Variants in GNAQ observed in about 807,000 individuals in gnomAD.
The protein encoded by GNAQ is guanine nucleotide-binding protein G(q) subunit alpha.
GNAQ carries 8 observed loss-of-function variants against 43.9 expected under a neutral mutation model. The ratio of observed to expected loss-of-function variants is 0.18; its 90% CI spans 0.11 to 0.33. The LOEUF (loss-of-function observed/expected upper bound fraction) is 0.33. Ranked by LOEUF, GNAQ falls within the 10% of genes least tolerant of loss-of-function variation. The pLI is 1.00. For missense variants in GNAQ, 158 were observed against 450.8 expected (o/e 0.35, Z 5.88); for synonymous variants, 155 against 170.7 (o/e 0.91, Z 0.71).
intron 4 of GNAQ, 46 bp from the exon 5 acceptor site, chr9:77,794,638 T>C: frequency 7.8e-7 from 1 of 1,281,980 alleles, no homozygotes; most frequent in South Asian, 1.4e-5. Flanking sequence ...AAAGTAAAAC[T>C]AAAAAGTCAA....
At chr9:78,015,900 G>T (rs913091222) in intron 1 of GNAQ, among the ~76,000 whole-genome samples, 4 of 151,898 alleles carry the variant, frequency 2.6e-5, no homozygotes, top group African/African-American at 9.7e-5. Context: ...AATAATCTAA[G>T]AATTCTGATT....
rs79949193 is a variant in GNAQ at position 77,910,739 on chromosome 9, T to C, written c.321+11422A>G. On this transcript the variant is annotated intron_variant, in intron 2 of 6. Coordinates refer to ENST00000286548, the MANE Select transcript of GNAQ (RefSeq NM_002072.5). ...AAAGAACATCATCTCCATTTAACAA[T>C]GGACAACACTTTCAACTTTTCCAGA... Among the ~76,000 whole-genome samples, 33 of 152,314 alleles carry C rather than the reference T, an allele frequency of 2.2e-4. No homozygotes were observed. The East Asian group carries it at 3.5e-3, about 16-fold the overall frequency.
chr9:77,962,287 A>C (rs769065796), intron 1 of GNAQ, among the ~76,000 whole-genome samples: 7 of 152,130 alleles, frequency 4.6e-5, no homozygotes, highest in Non-Finnish European at 7.3e-5. Flanking sequence ...AAATCTTCCA[A>C]ATTAAATGAA....
At position 77,925,681 on chromosome 9, in the gene GNAQ, G is replaced by C. The variant is rs759567942; in HGVS notation, c.137-3336C>G. ...ATTCAAAGTGAAGGCAAAGTTTCAC[G>C]TAAGAAAAATCTGTATGATGCAAAT... is the stretch of plus-strand genomic sequence containing the variant. On this transcript the variant is annotated intron_variant, in intron 1 of 6. Coordinates refer to ENST00000286548, the MANE Select transcript of GNAQ (RefSeq NM_002072.5). Among the ~76,000 whole-genome samples, 4 of 152,084 alleles carry C rather than the reference G, an allele frequency of 2.6e-5. No individual in the cohort carries two copies. In the South Asian group the frequency reaches 8.3e-4, roughly 32 times the overall value.
intron 2 of GNAQ, among the ~76,000 whole-genome samples, chr9:77,909,258 A>G (rs1828760077): frequency 6.6e-6 from 1 of 152,226 alleles, no homozygotes; most frequent in Non-Finnish European, 1.5e-5. Context: ...TTAGTGAGGT[A>G]CTTTGACTGC....
At chr9:77,815,524 T>TACA in intron 3 of GNAQ, 92 bp downstream of exon 3, 1 of 803,406 alleles carries the variant, frequency 1.2e-6, no homozygotes, top group South Asian at 1.8e-5. Context: ...ATATGACATA[T>TACA]ACAGGACAGA....
chr9:77,722,978 T>C (rs950573444), intron 6 of GNAQ, among the ~76,000 whole-genome samples: 5 of 152,198 alleles, frequency 3.3e-5, no homozygotes, highest in East Asian at 3.9e-4. Context: ...AGCCAATCTA[T>C]AGAATGGGAG....
intron 1 of GNAQ, among the ~76,000 whole-genome samples, chr9:77,974,149 C>T (rs1823271448): frequency 6.6e-6 from 1 of 152,022 alleles, no homozygotes; most frequent in East Asian, 1.9e-4. Flanking sequence ...GTTTTGTAGG[C>T]ACAAAGAAAC....
At position 77,984,048 on chromosome 9, in the gene GNAQ, G is replaced by GAAAAAA. The variant is rs1564170418; in HGVS notation, c.136+47051_136+47052insTTTTTT. Among the ~76,000 whole-genome samples the GAAAAAA allele has an allele frequency of 2.9e-3, 71 of 24,722 alleles. 1 individual carries two copies. The highest frequency in any genetic ancestry group is 0.013 in the African/African-American group (65 of 4,862). The allele number at this position is 24,722 out of a possible 152,430, so 16.2% of individuals were successfully genotyped here. On this transcript the variant is annotated intron_variant, in intron 1 of 6. Coordinates refer to ENST00000286548, the MANE Select transcript of GNAQ (RefSeq NM_002072.5). ...GCATATGCAAGTAGAATTTTGGAGA[G>GAAAAAA]CAAAAAAAAAAAAAAAAAAAAAAAA...
chr9:77,983,911 T>C (rs919364506), intron 1 of GNAQ, among the ~76,000 whole-genome samples: 3 of 151,950 alleles, frequency 2.0e-5, no homozygotes, highest in African/African-American at 7.3e-5. Context: ...GAGATCCTAC[T>C]GTGTGGGCAT....
At chr9:77,913,836 G>A (rs997141263) in intron 2 of GNAQ, among the ~76,000 whole-genome samples, 1 of 152,130 alleles carries the variant, frequency 6.6e-6, no homozygotes, top group Non-Finnish European at 1.5e-5. Flanking sequence ...TACATGTATT[G>A]ACAATGGAAA....
chr9:77,827,748 C>G (rs559385589), intron 2 of GNAQ, among the ~76,000 whole-genome samples: 1 of 151,924 alleles, frequency 6.6e-6, no homozygotes, highest in South Asian at 2.1e-4. Flanking sequence ...TTAAAAATTC[C>G]CTTTACTTGT....
At chr9:78,015,453 G>A (rs1823827117) in intron 1 of GNAQ, among the ~76,000 whole-genome samples, 1 of 152,188 alleles carries the variant, frequency 6.6e-6, no homozygotes, top group African/African-American at 2.4e-5. Flanking sequence ...AAACACCAGA[G>A]TCATGGAAGA....
chr9:77,885,550 C>T (rs1252789036), intron 2 of GNAQ, among the ~76,000 whole-genome samples: 1 of 152,134 alleles, frequency 6.6e-6, no homozygotes, highest in Admixed American at 6.5e-5. Flanking sequence ...AATTAGATTT[C>T]TGTTTAACTT....
chr9:77,765,556 G>A (rs1040612714), intron 5 of GNAQ, among the ~76,000 whole-genome samples: 15 of 152,100 alleles, frequency 9.9e-5, no homozygotes, highest in African/African-American at 3.4e-4. Context: ...ATCAAACCAC[G>A]ATGAGATACC....
chr9:77,935,930 T>C (rs1432385605), intron 1 of GNAQ, among the ~76,000 whole-genome samples: 1 of 152,184 alleles, frequency 6.6e-6, no homozygotes, highest in Admixed American at 6.5e-5. Context: ...ACTAAGTAAA[T>C]TGCACATGGA....
intron 1 of GNAQ, among the ~76,000 whole-genome samples, chr9:77,973,594 A>T (rs1217608831): frequency 1.3e-5 from 2 of 152,212 alleles, no homozygotes; most frequent in African/African-American, 4.8e-5. Context: ...AAGCAGGCAG[A>T]TCACTTGCAG....
intron 1 of GNAQ, among the ~76,000 whole-genome samples, chr9:78,022,018 T>C (rs1181030636): frequency 6.6e-6 from 1 of 152,170 alleles, no homozygotes; most frequent in Non-Finnish European, 1.5e-5. Context: ...CATTGCAAAC[T>C]ATCAGCAGCA....
intron 1 of GNAQ, among the ~76,000 whole-genome samples, chr9:78,010,055 C>T (rs1823755453): frequency 6.6e-6 from 1 of 152,130 alleles, no homozygotes; most frequent in South Asian, 2.1e-4. Flanking sequence ...TTTCTAGAGT[C>T]ACACGAATGT....
Sources: gnomAD v4.1 joint callset for allele counts (sites outside exome capture counted in the v4.1 genomes callset) on GRCh38, gnomAD v4.1.1 for gene constraint, MANE v1.5 for transcripts, NCBI Gene and HGNC (gene_info 2026-07-23, HGNC 2026-07-21) for gene names.